Variants in PBX1 observed in about 807,000 individuals in gnomAD.
The protein encoded by PBX1 is PBX homeobox 1, also known as pre-B-cell leukemia transcription factor 1.
A neutral mutation model predicts 53.4 loss-of-function variants in PBX1; 6 were observed. The ratio of observed to expected loss-of-function variants is 0.11; its 90% CI spans 0.06 to 0.22. The LOEUF is 0.22. Ranked by LOEUF, PBX1 falls within the 10% of genes least tolerant of loss-of-function variation. The probability of loss-of-function intolerance (pLI) is 1.00; values close to 1 mark genes in which losing one functional copy is unlikely to be tolerated. For missense variants in PBX1, 251 were observed against 551.4 expected (o/e 0.46, Z 5.46); for synonymous variants, 204 against 212.3 (o/e 0.96, Z 0.34).
At chr1:164,790,324 G>A (rs1467683971) in intron 2 of PBX1, among the ~76,000 whole-genome samples, 15 of 152,140 alleles carry the variant, frequency 9.9e-5, no homozygotes, top group Admixed American at 9.8e-4. Context: ...GCCTACAAAG[G>A]AAGGATTTTA....
intron 2 of PBX1, among the ~76,000 whole-genome samples, chr1:164,693,130 C>T (rs1378669805): frequency 6.8e-6 from 1 of 146,544 alleles, no homozygotes; most frequent in Admixed American, 6.8e-5. Context: ...CTTCTCCCCA[C>T]TGCCACTGTA....
At chr1:164,661,415 T>C (rs1055597363) in intron 2 of PBX1, among the ~76,000 whole-genome samples, 1 of 149,024 alleles carries the variant, frequency 6.7e-6, no homozygotes, top group Non-Finnish European at 1.5e-5. Context: ...GCAATTTCAC[T>C]GTAAGCCAGT....
At chr1:164,586,523 T>C (rs960955648) in intron 2 of PBX1, among the ~76,000 whole-genome samples, 2 of 152,204 alleles carry the variant, frequency 1.3e-5, no homozygotes, top group Admixed American at 1.3e-4. Flanking sequence ...CAATTTCTTA[T>C]CTGTAATGGG....
chr1:164,848,151 T>C lies in PBX1; in HGVS notation c.*1475T>C. 3.8e-6 allele frequency: 4 copies of C among 1,050,274 alleles called. No homozygotes were observed. The highest frequency in any genetic ancestry group is 4.6e-6 in the Non-Finnish European group (4 of 869,838). 65.1% of individuals were successfully genotyped at this position (1,050,274 alleles called of 1,614,324 possible). A position where few individuals can be genotyped will look rare whatever the true frequency, so the allele number is the denominator to read the frequency against. On this transcript the variant is annotated 3_prime_UTR_variant, in exon 9 of 9. Transcript: ENST00000420696. ...GGGGAAAGGGAAGGTAATGTTTTCA[T>C]TGAAATCATCACAGTGATTTTTATT...
At chr1:164,763,552 C>T (rs1362267012) in intron 2 of PBX1, among the ~76,000 whole-genome samples, 1 of 152,172 alleles carries the variant, frequency 6.6e-6, no homozygotes, top group East Asian at 1.9e-4. Context: ...TGAAATGTCA[C>T]TGCACTTGGG....
chr1:164,603,992 G>A, intron 2 of PBX1, among the ~76,000 whole-genome samples: 1 of 129,888 alleles, frequency 7.7e-6, no homozygotes, highest in Non-Finnish European at 1.5e-5. Context: ...CCAGGCTGGA[G>A]TGCAGTGGCA....
Position 164,820,096 on chromosome 1 carries a change from C to T in PBX1, c.1022C>T (p.Ser341Leu), listed in dbSNP as rs776997383. ...GGTTCTTCCAGTTCTTTTAACATGT[C>T]AAACTCTGGAGATTTGTTCATGAGC... Reference protein sequence around the residue: ...SAGSSSSFNMSNSGDLFMSVQ... With the variant: ...SAGSSSSFNMLNSGDLFMSVQ... The change falls in exon 7 of 9, where the codon TCA becomes TTA. Residue 341 changes from serine to leucine, a missense_variant. Ser to Leu is a moderately radical substitution (Grantham distance 145). Transcript: ENST00000420696. 6.2e-7 allele frequency: 1 copy of T among 1,612,358 alleles called. No individual in the cohort carries two copies. The highest frequency in any genetic ancestry group is 1.1e-5 in the South Asian group (1 of 90,976).
intron 2 of PBX1, among the ~76,000 whole-genome samples, chr1:164,585,791 T>C (rs1571273283): frequency 6.6e-6 from 1 of 152,200 alleles, no homozygotes; most frequent in African/African-American, 2.4e-5. Context: ...GCTGAGAAGC[T>C]TTTAGCATTT....
intron 2 of PBX1, among the ~76,000 whole-genome samples, chr1:164,613,189 C>G (rs1464908863): frequency 6.6e-6 from 1 of 152,158 alleles, no homozygotes; most frequent in Non-Finnish European, 1.5e-5. Flanking sequence ...TAGCTTGTTT[C>G]TTAGCAATGT....
At chr1:164,757,825 C>T (rs1255613360) in intron 2 of PBX1, among the ~76,000 whole-genome samples, 1 of 152,146 alleles carries the variant, frequency 6.6e-6, no homozygotes, top group Non-Finnish European at 1.5e-5. Flanking sequence ...AACCACCAGG[C>T]CAATTCAGAC....
rs904340823 is a variant in PBX1, at chr1:164,628,409, T to C, written c.265+65098T>C. On this transcript the variant is annotated intron_variant, in intron 2 of 8. Coordinates refer to ENST00000420696, the MANE Select transcript of PBX1 (RefSeq NM_002585.4). ...TCACCTTGACAATCCTTGATGGCAG[T>C]AGGGAGCATTTAATCCAACTGTGAA... Among the ~76,000 whole-genome samples the C allele has an allele frequency of 2.0e-5, 3 of 152,324 alleles. No individual in the cohort carries two copies. In the East Asian group the frequency reaches 5.8e-4, roughly 29 times the overall value.
rs1390286348 is a variant in PBX1 at position 164,851,220 on chromosome 1, G to A, written c.*4544G>A. ...TGTTTTTATTAGAGGAAAAAAGAAA[G>A]CCATATTATCTGGAAAAAAATTCAT... is the stretch of plus-strand genomic sequence containing the variant. On this transcript the variant is annotated 3_prime_UTR_variant, in exon 9 of 9. Coordinates refer to ENST00000420696, the MANE Select transcript of PBX1 (RefSeq NM_002585.4). 2 of 211,666 alleles carry A rather than the reference G, an allele frequency of 9.4e-6. No individual in the cohort carries two copies. Among genetic ancestry groups the A allele is most frequent in the Non-Finnish European group, 1.9e-5 (2 of 104,546 alleles). The allele number at this position is 211,666 out of a possible 1,614,324, so 13.1% of individuals were successfully genotyped here.
At chr1:164,661,466 G>A (rs1050757856) in intron 2 of PBX1, among the ~76,000 whole-genome samples, 20 of 138,552 alleles carry the variant, frequency 1.4e-4, no homozygotes, top group Admixed American at 5.6e-4. Flanking sequence ...TGACTCTGTC[G>A]CCCAGGCTGG....
intron 2 of PBX1, among the ~76,000 whole-genome samples, chr1:164,878,419 G>A (rs1672567047): frequency 1.3e-5 from 2 of 152,156 alleles, no homozygotes; most frequent in Non-Finnish European, 2.9e-5. Context: ...ACAATAGCCT[G>A]CCTATGTTGT....
intron 2 of PBX1, among the ~76,000 whole-genome samples, chr1:164,760,891 T>C (rs930587989): frequency 6.6e-6 from 1 of 152,230 alleles, no homozygotes; most frequent in South Asian, 2.1e-4. Context: ...ATTAGATTGC[T>C]CCTTAGAGTA....
At chr1:164,819,687 A>G (rs113139300) in intron 6 of PBX1, 1,780 of 164,596 alleles carry the variant, frequency 0.011, 35 homozygotes, top group African/African-American at 0.039. Context: ...ACCAGTGACC[A>G]GCCCATAGCC....
At chr1:164,846,241 A>G (rs987097079) in intron 8 of PBX1, among the ~76,000 whole-genome samples, 18 of 152,282 alleles carry the variant, frequency 1.2e-4, no homozygotes, top group Admixed American at 1.0e-3. Context: ...GACATTAGCT[A>G]GTTGTTGCCA....
intron 2 of PBX1, among the ~76,000 whole-genome samples, chr1:164,677,946 C>T (rs1200229454): frequency 1.3e-5 from 2 of 152,060 alleles, no homozygotes; most frequent in African/African-American, 4.8e-5. Flanking sequence ...TGTTAAAAAC[C>T]CTATCCATTT....
chr1:164,581,810 T>C (rs1654636325), intron 2 of PBX1, among the ~76,000 whole-genome samples: 1 of 152,210 alleles, frequency 6.6e-6, no homozygotes. Context: ...ATAAATCTAC[T>C]AATTTACCTT....
Sources: allele counts gnomAD v4.1 joint callset (sites outside exome capture counted in the v4.1 genomes callset), GRCh38; gene constraint gnomAD v4.1.1; transcripts MANE v1.5; gene names NCBI Gene and HGNC (gene_info 2026-07-23, HGNC 2026-07-21).